MIAT: variants seen among roughly 807,000 people sequenced by gnomAD.
The protein encoded by MIAT is MI related novel mRNA.
At chr22:26,668,449 G>A (rs1930929830) in exon 6 of MIAT, 1 of 398,790 alleles carries the variant, frequency 2.5e-6, no homozygotes, top group East Asian at 3.6e-5. Flanking sequence ...CACCTGCTCG[G>A]GCCCTGCCTG....
rs58654108 is a variant in MIAT at position 26,661,917 on chromosome 22, CATATATATAT to C, written n.647-1363_647-1354del. 1.0e-3 allele frequency among the ~76,000 whole-genome samples: 84 copies of C among 80,580 alleles called. 1 individual carries two copies. Among genetic ancestry groups the C allele is most frequent in the South Asian group, 2.9e-3 (6 of 2,084 alleles). 52.9% of individuals were successfully genotyped at this position (80,580 alleles called of 152,430 possible). A position where few individuals can be genotyped will look rare whatever the true frequency, so the allele number is the denominator to read the frequency against. The stretch of plus-strand genomic sequence containing the variant: ...ATATATATATGGATCTATATAGATC[CATATATATAT>C]ATATATATATATATATATATATATA... On this transcript the variant is annotated intron_variant and non_coding_transcript_variant, in intron 2 of 5. Transcript: ENST00000643270.
chr22:26,662,437 T>C (rs772871071), intron 2 of MIAT, among the ~76,000 whole-genome samples: 2 of 152,166 alleles, frequency 1.3e-5, no homozygotes, highest in Non-Finnish European at 2.9e-5. Flanking sequence ...TCTTAATAAG[T>C]GTTAGTTTAG....
intron 2 of MIAT, among the ~76,000 whole-genome samples, chr22:26,649,836 C>T (rs990312251): frequency 6.6e-5 from 10 of 152,222 alleles, no homozygotes; most frequent in South Asian, 2.1e-4. Context: ...TTGCTTGAAC[C>T]TGGGAGGCAG....
At chr22:26,646,445 G>C, upstream of MIAT, 1 of 399,420 alleles carries the variant, frequency 2.5e-6, no homozygotes, top group African/African-American at 2.1e-5. Flanking sequence ...GAGTAGACAG[G>C]AACCACGAGA....
downstream of MIAT, chr22:26,674,455 G>C: frequency 2.5e-6 from 1 of 398,758 alleles, no homozygotes; most frequent in Non-Finnish European, 4.4e-6. Context: ...TGGAGGATTG[G>C]ATCAGTTTAG....
In MIAT at chr22:26,675,376, A is replaced by C. The variant is rs559146552; in HGVS notation, n.9044A>C. On this transcript the variant is annotated non_coding_transcript_exon_variant, in exon 5 of 5. Coordinates refer to the MIAT transcript ENST00000613780. ...GCCAAGAAGTTTAGATTTTATCCTT[A>C]GGCCTTGGGGAGCGACGGATATGAT... 6.5e-5 allele frequency: 26 copies of C among 398,676 alleles called. No individual in the cohort carries two copies. The South Asian group carries it at 2.8e-3, about 43-fold the overall frequency. The allele number at this position is 398,676 out of a possible 1,614,324, so 24.7% of individuals were successfully genotyped here.
chr22:26,652,187 G>A (rs187067264), intron 2 of MIAT, among the ~76,000 whole-genome samples: 5 of 152,028 alleles, frequency 3.3e-5, no homozygotes, highest in African/African-American at 1.2e-4. Flanking sequence ...GTAGAGATGC[G>A]GTGGAGCCGG....
intron 2 of MIAT, chr22:26,658,108 C>A (rs1930528176): frequency 6.6e-6 from 1 of 152,464 alleles, no homozygotes; most frequent in African/African-American, 2.4e-5. Context: ...GGGCAGGGTC[C>A]TTGAGCTCCC....
At chr22:26,673,618 C>T (rs935102398), downstream of MIAT, 13 of 398,612 alleles carry the variant, frequency 3.3e-5, no homozygotes, top group East Asian at 3.9e-4. Flanking sequence ...GCTTGGATGT[C>T]GGCATGGCTG....
At chr22:26,652,814 G>T (rs1930360076) in intron 2 of MIAT, among the ~76,000 whole-genome samples, 1 of 152,212 alleles carries the variant, frequency 6.6e-6, no homozygotes, top group Admixed American at 6.5e-5. Context: ...GTCAGTGTCA[G>T]AATTCTCCTG....
intron 2 of MIAT, among the ~76,000 whole-genome samples, chr22:26,651,821 GA>G (rs1217890954): frequency 6.6e-6 from 1 of 152,234 alleles, no homozygotes; most frequent in Non-Finnish European, 1.5e-5. Flanking sequence ...GGCTGGAGGG[GA>G]AACTGGGAAG....
chr22:26,649,403 C>T (rs1181705191), intron 2 of MIAT, among the ~76,000 whole-genome samples: 5 of 152,224 alleles, frequency 3.3e-5, no homozygotes, highest in Admixed American at 6.5e-5. Flanking sequence ...GTGGATTCCT[C>T]CCCACTATTC....
At chr22:26,674,323 A>T (rs1171486145), downstream of MIAT, 2 of 398,568 alleles carry the variant, frequency 5.0e-6, no homozygotes, top group African/African-American at 4.1e-5. Flanking sequence ...CTTTGGGAGT[A>T]GAGGGGCAGG....
At chr22:26,665,414 G>T (rs1194806572) in intron 3 of MIAT, 6 of 398,324 alleles carry the variant, frequency 1.5e-5, no homozygotes, top group African/African-American at 1.2e-4. Context: ...TCAGCTAAAG[G>T]TCCCTTGAAA....
chr22:26,660,147 T>C (rs1930612674), intron 2 of MIAT, among the ~76,000 whole-genome samples: 1 of 151,476 alleles, frequency 6.6e-6, no homozygotes, highest in African/African-American at 2.4e-5. Flanking sequence ...GAAAACTTCA[T>C]TTTCATGTAT....
chr22:26,671,120 C>G (rs947817186), downstream of MIAT: 6 of 398,628 alleles, frequency 1.5e-5, no homozygotes, highest in Middle Eastern at 1.3e-3. Context: ...CAGGATCCAG[C>G]CCTCTGGGAA....
chr22:26,646,554 C>G (rs1359950287), exon 1 of MIAT: 2 of 398,606 alleles, frequency 5.0e-6, no homozygotes, highest in Non-Finnish European at 8.8e-6. Context: ...TCTATGCGGC[C>G]AGGATCTGGA....
chr22:26,673,645 G>A, downstream of MIAT: 1 of 398,646 alleles, frequency 2.5e-6, no homozygotes, highest in East Asian at 3.6e-5. Context: ...GGCTAACACA[G>A]CTTTGAACTT....
chr22:26,646,880 C>G, exon 1 of MIAT: 1 of 398,582 alleles, frequency 2.5e-6, no homozygotes, highest in South Asian at 1.3e-4. Flanking sequence ...GGAATAGAGA[C>G]AGGTAGATAG....
Sources: allele counts gnomAD v4.1 joint callset (sites outside exome capture counted in the v4.1 genomes callset), GRCh38; gene constraint gnomAD v4.1.1; transcripts MANE v1.5; gene names NCBI Gene and HGNC (gene_info 2026-07-23, HGNC 2026-07-21).